Variants in SRRM3 observed in about 807,000 individuals in gnomAD.
The protein encoded by SRRM3 is serine/arginine repetitive matrix 3.
Under a neutral mutation model 66.2 loss-of-function variants are expected in SRRM3, and 27 were observed. That is an observed-to-expected ratio of 0.41 (90% confidence interval 0.30 to 0.56). SRRM3 has a LOEUF of 0.56. Ranked by LOEUF, SRRM3 falls within the 20% of genes least tolerant of loss-of-function variation. The pLI is 0.32. For synonymous variants in SRRM3, 391 were observed against 414.9 expected (o/e 0.94, Z 0.70); for missense variants, 918 against 991.9 (o/e 0.93, Z 1.00).
chr7:76,202,461 C>T lies in SRRM3; in HGVS notation c.-40+394C>T, dbSNP rs375372674. Among the ~76,000 whole-genome samples, 3 of 152,226 alleles carry T rather than the reference C, an allele frequency of 2.0e-5. No individual in the cohort carries two copies. In the South Asian group the frequency reaches 6.2e-4, roughly 32 times the overall value. ...CACTGGCCCTGGTGAAGGGAGCAGGCCCCCACCTGGATGCTGGGCCTCTGT... is the reference window on the plus strand; with the variant it reads ...CACTGGCCCTGGTGAAGGGAGCAGGTCCCCACCTGGATGCTGGGCCTCTGT... On this transcript the variant is annotated intron_variant, in intron 1 of 14. Coordinates refer to ENST00000611745, the MANE Select transcript of SRRM3 (RefSeq NM_001110199.3).
intron 3 of SRRM3, among the ~76,000 whole-genome samples, chr7:76,250,353 T>C (rs950054741): frequency 2.0e-4 from 31 of 152,264 alleles, no homozygotes; most frequent in African/African-American, 3.4e-4. Context: ...TGCCTCAGCC[T>C]CCTGAGTAGC....
At chr7:76,228,985 GC>G (rs1554604009) in intron 1 of SRRM3, among the ~76,000 whole-genome samples, 1 of 149,608 alleles carries the variant, frequency 6.7e-6, no homozygotes, top group Non-Finnish European at 1.5e-5. Context: ...TGCAAGCTCT[GC>G]CCCCTGGGTT....
intron 3 of SRRM3, among the ~76,000 whole-genome samples, chr7:76,255,148 C>CTTTTTTTTTTTTTTTTTTTTTTTTTTTT (rs57880700): frequency 1.7e-4 from 14 of 83,176 alleles, no homozygotes; most frequent in South Asian, 8.8e-4. Context: ...TTCTTTCTTT[C>CTTTTTTTTTTTTTTTTTTTTTTTTTTTT]TTTTTTTTTT....
chr7:76,260,546 A>C (rs1239254376), intron 5 of SRRM3, among the ~76,000 whole-genome samples: 38 of 15,236 alleles, frequency 2.5e-3, no homozygotes, highest in South Asian at 4.4e-3. Flanking sequence ...ACTAGGCCCC[A>C]CCCCTCATCG....
chr7:76,213,303 G>T (rs1250220232), intron 1 of SRRM3, among the ~76,000 whole-genome samples: 1 of 152,086 alleles, frequency 6.6e-6, no homozygotes, highest in African/African-American at 2.4e-5. Context: ...GAGCCACCGT[G>T]CCCGGCTTTA....
chr7:76,269,301 T>TC (rs1218424309), intron 11 of SRRM3: 2 of 152,108 alleles, frequency 1.3e-5, no homozygotes, highest in Non-Finnish European at 2.9e-5. Flanking sequence ...CCAAATCCTA[T>TC]CCCTCACCCT....
At chr7:76,209,520 T>C (rs183773703) in intron 1 of SRRM3, among the ~76,000 whole-genome samples, 105 of 152,178 alleles carry the variant, frequency 6.9e-4, no homozygotes, top group African/African-American at 2.1e-3. Flanking sequence ...AAGGGATAGT[T>C]ACCTAATGTG....
intron 2 of SRRM3, among the ~76,000 whole-genome samples, chr7:76,247,402 C>T (rs574865842): frequency 7.9e-5 from 12 of 152,130 alleles, no homozygotes; most frequent in South Asian, 2.1e-4. Context: ...GGTGCTTTGA[C>T]GACCTCCCAT....
Position 76,284,134 on chromosome 7 carries a change from G to C in SRRM3, c.1733+1033G>C, listed in dbSNP as rs565060700. On this transcript the variant is annotated intron_variant, in intron 14 of 14. Coordinates refer to ENST00000611745, the MANE Select transcript of SRRM3 (RefSeq NM_001110199.3). The stretch of plus-strand genomic sequence containing the variant: ...GGCATTACCCCAGAGCTCAAAGCCA[G>C]ACCGCCTTGAAGGAGAAGCCAGATT... Among the ~76,000 whole-genome samples, 6 of 151,830 alleles carry C rather than the reference G, an allele frequency of 4.0e-5. 1 individual carries two copies. In the South Asian group the frequency reaches 1.0e-3, roughly 26 times the overall value.
At chr7:76,223,711 G>A (rs574407919) in intron 1 of SRRM3, among the ~76,000 whole-genome samples, 43 of 152,132 alleles carry the variant, frequency 2.8e-4, no homozygotes, top group African/African-American at 8.9e-4. Context: ...CTCATCCTGC[G>A]TTTGCAGCCA....
In SRRM3 at chr7:76,258,645, C is replaced by T. The variant is rs538550820; in HGVS notation, c.336-1261C>T. On this transcript the variant is annotated intron_variant, in intron 3 of 14. Transcript: ENST00000611745. ...AGGAGAATTGCTTGAACCCAGCAGGCGGAGGATGCAGTGAGCTGAGATCAT... is the reference window on the plus strand; with the variant it reads ...AGGAGAATTGCTTGAACCCAGCAGGTGGAGGATGCAGTGAGCTGAGATCAT... Among the ~76,000 whole-genome samples the T allele has an allele frequency of 1.5e-3, 203 of 133,550 alleles. 2 individuals are homozygous for T. The Middle Eastern group carries it at 0.02, about 13-fold the overall frequency. The allele number at this position is 133,550 out of a possible 152,430, so 87.6% of individuals were successfully genotyped here.
At chr7:76,262,820 A>AAAAG (rs144957959) in intron 8 of SRRM3, among the ~76,000 whole-genome samples, 36,732 of 150,076 alleles carry the variant, frequency 0.24, 4,827 homozygotes, top group East Asian at 0.44. Flanking sequence ...CATCTCAAAA[A>AAAAG]AAAGAAAGAA....
At chr7:76,217,653 A>C (rs1800602771) in intron 1 of SRRM3, among the ~76,000 whole-genome samples, 1 of 152,152 alleles carries the variant, frequency 6.6e-6, no homozygotes, top group South Asian at 2.1e-4. Flanking sequence ...GTCAGAGCCC[A>C]CCACTGCTTA....
chr7:76,259,989 A>G lies in SRRM3; in HGVS notation c.419A>G (p.Asp140Gly), dbSNP rs1583918619. The change falls in exon 4 of 15, where the codon GAC (aspartate) becomes GGC (glycine). Residue 140 changes from aspartate to glycine, a missense_variant. Asp to Gly is a moderately conservative substitution (Grantham distance 94, BLOSUM62 -1). Transcript: ENST00000611745. ...TTTGACGATGACGACGGCCCAGTGGACTGTGACTGCCCGGCCTCCTGCTAC... is the reference window on the plus strand; with the variant it reads ...TTTGACGATGACGACGGCCCAGTGGGCTGTGACTGCCCGGCCTCCTGCTAC... ...APFDDDDGPV[D>G]CDCPASCYRG... is the part of the protein sequence containing the mutation. 1.3e-6 allele frequency: 2 copies of G among 1,596,492 alleles called. No individual in the cohort carries two copies. Among genetic ancestry groups the G allele is most frequent in the East Asian group, 2.2e-5 (1 of 44,526 alleles).
chr7:76,224,673 C>T (rs1554603568), intron 1 of SRRM3, among the ~76,000 whole-genome samples: 2 of 152,108 alleles, frequency 1.3e-5, no homozygotes. Context: ...CAGACCCTGA[C>T]CCAAATGATG....
At chr7:76,282,323 A>G (rs1466728231) in intron 12 of SRRM3, among the ~76,000 whole-genome samples, 1 of 107,860 alleles carries the variant, frequency 9.3e-6, no homozygotes. Context: ...CCTCCCCACA[A>G]CTGATCCGTC....
In SRRM3 at chr7:76,215,712, C is replaced by G. The variant is rs139923363; in HGVS notation, c.-40+13645C>G. Reference sequence around the variant, plus strand: ...GCATGATCTCAGCTCACTGCAACCTCTGCCTCCCAGGTTCAAATGTTCTCC... The same window carrying G: ...GCATGATCTCAGCTCACTGCAACCTGTGCCTCCCAGGTTCAAATGTTCTCC... On this transcript the variant is annotated intron_variant, in intron 1 of 14. Coordinates refer to ENST00000611745, the MANE Select transcript of SRRM3 (RefSeq NM_001110199.3). 9.1e-3 allele frequency among the ~76,000 whole-genome samples: 1,349 copies of G among 147,822 alleles called. 20 individuals carry two copies. Among genetic ancestry groups the G allele is most frequent in the African/African-American group, 0.03 (1,197 of 39,960 alleles).
chr7:76,236,321 AAAAG>A, intron 2 of SRRM3, among the ~76,000 whole-genome samples: 1 of 151,374 alleles, frequency 6.6e-6, no homozygotes, highest in African/African-American at 2.4e-5. Context: ...AAAAAAAAAA[AAAAG>A]AAAAGAAAGA....
intron 3 of SRRM3, among the ~76,000 whole-genome samples, chr7:76,252,828 G>A (rs1554607072): frequency 6.6e-6 from 1 of 152,152 alleles, no homozygotes; most frequent in Non-Finnish European, 1.5e-5. Context: ...AAATCATTAA[G>A]GGGCTATGAA....
Sources: gnomAD v4.1 joint callset for allele counts (sites outside exome capture counted in the v4.1 genomes callset) on GRCh38, gnomAD v4.1.1 for gene constraint, MANE v1.5 for transcripts, NCBI Gene and HGNC (gene_info 2026-07-23, HGNC 2026-07-21) for gene names.